STK32A: variants seen among roughly 807,000 people sequenced by gnomAD.
STK32A encodes the protein serine/threonine kinase 32A.
STK32A carries 41 observed loss-of-function variants against 53.2 expected under a neutral mutation model. The observed-to-expected ratio is 0.77, with a 90% CI of 0.60 to 1.00. The LOEUF is 1.00. STK32A is among the 50% of genes least tolerant of loss of function. The pLI, the probability that STK32A is intolerant of heterozygous loss-of-function variation, is 0.00. For synonymous variants in STK32A, 166 were observed against 162.8 expected (o/e 1.02, Z -0.15); for missense variants, 458 against 485.8 (o/e 0.94, Z 0.54).
At chr5:147,257,715 T>G (rs1465074415) in intron 2 of STK32A, among the ~76,000 whole-genome samples, 5 of 151,918 alleles carry the variant, frequency 3.3e-5, no homozygotes, top group Non-Finnish European at 1.5e-5. Context: ...CTGGCTCGAG[T>G]TTTCCTTCTT....
intron 1 of STK32A, among the ~76,000 whole-genome samples, chr5:147,238,076 C>T (rs1473534412): frequency 6.6e-6 from 1 of 152,222 alleles, no homozygotes; most frequent in Non-Finnish European, 1.5e-5. Flanking sequence ...TACATTGTCT[C>T]ATTATATGTA....
intron 4 of STK32A, among the ~76,000 whole-genome samples, chr5:147,307,885 T>G (rs562684736): frequency 6.6e-6 from 1 of 152,260 alleles, no homozygotes; most frequent in Admixed American, 6.5e-5. Flanking sequence ...TCTGTTCCAT[T>G]GATTCATTTG....
At chr5:147,286,098 A>C in intron 4 of STK32A, among the ~76,000 whole-genome samples, 1 of 152,196 alleles carries the variant, frequency 6.6e-6, no homozygotes, top group Non-Finnish European at 1.5e-5. Context: ...GCAGCCATAA[A>C]AAGGAATGAA....
chr5:147,290,876 A>G (rs2151960845), intron 4 of STK32A, among the ~76,000 whole-genome samples: 1 of 152,302 alleles, frequency 6.6e-6, no homozygotes, highest in African/African-American at 2.4e-5. Context: ...CACTCCAATT[A>G]GCAGCAGTTA....
chr5:147,279,953 G>A (rs1323321641), intron 4 of STK32A, among the ~76,000 whole-genome samples: 1 of 152,146 alleles, frequency 6.6e-6, no homozygotes, highest in Non-Finnish European at 1.5e-5. Flanking sequence ...CAACTGTGGA[G>A]GTGGGAAAGA....
At chr5:147,337,797 G>A (rs1196385192) in intron 5 of STK32A, among the ~76,000 whole-genome samples, 1 of 152,130 alleles carries the variant, frequency 6.6e-6, no homozygotes, top group Non-Finnish European at 1.5e-5. Flanking sequence ...GAGTTTTGAT[G>A]TATAAAGAAA....
intron 4 of STK32A, among the ~76,000 whole-genome samples, chr5:147,320,028 T>C (rs1754225592): frequency 6.9e-6 from 1 of 145,674 alleles, no homozygotes; most frequent in African/African-American, 2.6e-5. Flanking sequence ...AGAGACACAG[T>C]ATATTCATAA....
rs1273580484 is a variant in STK32A at position 147,384,310 on chromosome 5, T to G, written c.*327T>G. On this transcript the variant is annotated 3_prime_UTR_variant, in exon 13 of 13. Transcript: ENST00000397936. ...CTATAGTTGTTATTCTAAACCGCCT[T>G]TATTTTTATTTTAAAATTAATATAT... 3 of 1,421,144 alleles carry G rather than the reference T, an allele frequency of 2.1e-6. No individual in the cohort carries two copies. The Admixed American group carries it at 7.0e-5, about 33-fold the overall frequency. The allele number at this position is 1,421,144 out of a possible 1,614,324, so 88.0% of individuals were successfully genotyped here.
At chr5:147,274,188 C>T (rs1172353823) in intron 2 of STK32A, among the ~76,000 whole-genome samples, 1 of 152,192 alleles carries the variant, frequency 6.6e-6, no homozygotes, top group Non-Finnish European at 1.5e-5. Flanking sequence ...GCTGTGAAGG[C>T]TGGGATGAAA....
chr5:147,277,328 G>A (rs183356275), intron 2 of STK32A, among the ~76,000 whole-genome samples: 37 of 152,238 alleles, frequency 2.4e-4, no homozygotes, highest in African/African-American at 7.0e-4. Context: ...TCTATGATTT[G>A]TTCTTCTCAT....
chr5:147,273,215 G>T (rs1281669412), intron 2 of STK32A, among the ~76,000 whole-genome samples: 1 of 152,160 alleles, frequency 6.6e-6, no homozygotes, highest in South Asian at 2.1e-4. Context: ...GAAATAAAAA[G>T]TATCATCACT....
In STK32A at chr5:147,386,472, C is replaced by G. The variant is rs1264844797; in HGVS notation, c.*2489C>G. The G allele has an allele frequency of 2.0e-5, 3 of 152,318 alleles. No homozygotes were observed. The highest frequency in any genetic ancestry group is 7.2e-5 in the African/African-American group (3 of 41,586). The allele number at this position is 152,318 out of a possible 1,614,324, so 9.4% of individuals were successfully genotyped here. A position where few individuals can be genotyped will look rare whatever the true frequency, so the allele number is the denominator to read the frequency against. ...CAAGAAGAGGCTTTGGGAAATTTTT[C>G]TGTAATTACACTTACCAAAGAGCCA... On this transcript the variant is annotated 3_prime_UTR_variant, in exon 13 of 13. Transcript: ENST00000397936.
At position 147,242,285 on chromosome 5, in the gene STK32A, G is replaced by A. The variant is rs907328081; in HGVS notation, c.52+2599G>A. On this transcript the variant is annotated intron_variant, in intron 2 of 12. Coordinates refer to ENST00000397936, the MANE Select transcript of STK32A (RefSeq NM_001112724.2). ...AGACAGTTGCAAGGCAAAGGAAGTA[G>A]GAGGGCAAGTCCACCTACTATAAAC... 1.2e-4 allele frequency among the ~76,000 whole-genome samples: 19 copies of A among 152,296 alleles called. 1 individual carries two copies. The highest frequency in any genetic ancestry group is 1.1e-3 in the Admixed American group (17 of 15,304).
chr5:147,295,264 A>G (rs1192571695), intron 4 of STK32A, among the ~76,000 whole-genome samples: 1 of 152,224 alleles, frequency 6.6e-6, no homozygotes, highest in East Asian at 1.9e-4. Flanking sequence ...AGATTTTTGA[A>G]ACTGAAAAGT....
chr5:147,264,749 T>C (rs1754731323), intron 2 of STK32A, among the ~76,000 whole-genome samples: 1 of 151,894 alleles, frequency 6.6e-6, no homozygotes, highest in Non-Finnish European at 1.5e-5. Flanking sequence ...GAAAGGACAA[T>C]AAAATTATAC....
At chr5:147,376,795 T>A (rs186321061) in intron 11 of STK32A, among the ~76,000 whole-genome samples, 1 of 152,290 alleles carries the variant, frequency 6.6e-6, no homozygotes. Context: ...ATACCTTAAA[T>A]ATCACCTTGT....
intron 2 of STK32A, among the ~76,000 whole-genome samples, chr5:147,251,313 T>C (rs1445417895): frequency 6.6e-6 from 1 of 152,194 alleles, no homozygotes; most frequent in Non-Finnish European, 1.5e-5. Context: ...GGAGTTCAAT[T>C]TGGAAGCAAA....
chr5:147,256,576 A>G (rs954112938), intron 2 of STK32A, among the ~76,000 whole-genome samples: 4 of 152,074 alleles, frequency 2.6e-5, no homozygotes, highest in South Asian at 2.1e-4. Context: ...CAATGGCGCA[A>G]TCTTGGCTCA....
At position 147,361,701 on chromosome 5, in the gene STK32A, C is replaced by A. The variant is rs931511081; in HGVS notation, c.660+87C>A. 5 of 1,013,460 alleles carry A rather than the reference C, an allele frequency of 4.9e-6. No homozygotes were observed. The South Asian group carries it at 5.6e-5, about 11-fold the overall frequency. 62.8% of individuals were successfully genotyped at this position (1,013,460 alleles called of 1,614,324 possible). On this transcript the variant is annotated intron_variant, in intron 8 of 12. Transcript: ENST00000397936. ...AATGTATTGTTTGCTAAGATCCAAG[C>A]AGTTCACTTGAAAGCTGAAATCAGC...
Sources: gnomAD v4.1 joint callset for allele counts (sites outside exome capture counted in the v4.1 genomes callset) on GRCh38, gnomAD v4.1.1 for gene constraint, MANE v1.5 for transcripts, NCBI Gene and HGNC (gene_info 2026-07-23, HGNC 2026-07-21) for gene names.